Variants in ZFHX3 observed in about 807,000 individuals in gnomAD.
The protein encoded by ZFHX3 is zinc finger homeobox 3, also known as zinc finger homeobox protein 3.
ZFHX3 carries 42 observed loss-of-function variants against 279.1 expected under a neutral mutation model. The ratio of observed to expected loss-of-function variants is 0.15; its 90% CI spans 0.12 to 0.19. The LOEUF is 0.19. ZFHX3 is among the 10% of genes least tolerant of loss of function. The pLI, the probability that ZFHX3 is intolerant of heterozygous loss-of-function variation, is 1.00. For missense variants in ZFHX3, 4,981 were observed against 4,754.0 expected (o/e 1.05, Z -1.40); for synonymous variants, 2,293 against 1,957.8 (o/e 1.17, Z -4.52).
At chr16:72,951,066 A>G (rs963225835) in intron 2 of ZFHX3, 101 bp from the exon 3 acceptor site, 1 of 1,486,220 alleles carries the variant, frequency 6.7e-7, no homozygotes, top group East Asian at 2.3e-5. Flanking sequence ...CTGGGGTCCA[A>G]AAGGAGAAGA....
chr16:73,824,286 G>C (rs1401413289), intron 1 of ZFHX3, among the ~76,000 whole-genome samples: 2 of 151,774 alleles, frequency 1.3e-5, no homozygotes, highest in African/African-American at 4.8e-5. Context: ...AGCATAGCGT[G>C]AGAAACACTG....
chr16:73,752,623 A>G (rs573202081), intron 1 of ZFHX3, among the ~76,000 whole-genome samples: 16 of 152,212 alleles, frequency 1.1e-4, no homozygotes, highest in Middle Eastern at 3.4e-3. Flanking sequence ...CTCCTTGGCC[A>G]ACTCCTGAAC....
intron 2 of ZFHX3, among the ~76,000 whole-genome samples, chr16:73,478,181 G>T (rs1310903469): frequency 1.3e-5 from 2 of 150,682 alleles, no homozygotes; most frequent in African/African-American, 4.9e-5. Flanking sequence ...CAGGAGAATG[G>T]CTTGAATCCA....
intron 1 of ZFHX3, among the ~76,000 whole-genome samples, chr16:73,041,769 C>A (rs1261135646): frequency 6.6e-6 from 1 of 152,034 alleles, no homozygotes; most frequent in Non-Finnish European, 1.5e-5. Context: ...CAAAAAAAAG[C>A]GGAGCTGTTA....
chr16:73,139,265 A>G (rs1173984011), intron 6 of ZFHX3, among the ~76,000 whole-genome samples: 1 of 152,234 alleles, frequency 6.6e-6, no homozygotes, highest in Non-Finnish European at 1.5e-5. Flanking sequence ...ATTATTGAAA[A>G]TGTATAACCC....
chr16:73,126,529 G>C (rs1742487002), intron 7 of ZFHX3: 1 of 152,178 alleles, frequency 6.6e-6, no homozygotes, highest in African/African-American at 2.4e-5. Context: ...GTATCATTCA[G>C]CCACACTTAG....
intron 5 of ZFHX3, among the ~76,000 whole-genome samples, chr16:73,159,767 C>A (rs1460312894): frequency 6.6e-6 from 1 of 152,050 alleles, no homozygotes; most frequent in Non-Finnish European, 1.5e-5. Flanking sequence ...ATTATATTAT[C>A]ATTATTATTT....
intron 5 of ZFHX3, among the ~76,000 whole-genome samples, chr16:73,247,702 A>T (rs557763330): frequency 6.6e-6 from 1 of 151,016 alleles, no homozygotes; most frequent in East Asian, 2.0e-4. Context: ...GTGTGTGTGT[A>T]TACTATGTAT....
intron 3 of ZFHX3, among the ~76,000 whole-genome samples, chr16:72,894,886 G>A (rs886370479): frequency 6.6e-6 from 1 of 152,110 alleles, no homozygotes; most frequent in Non-Finnish European, 1.5e-5. Context: ...GAGGGCAACC[G>A]GGTTCTGTTT....
chr16:72,878,483 AG>A (rs1297905002), intron 4 of ZFHX3, among the ~76,000 whole-genome samples: 1 of 152,234 alleles, frequency 6.6e-6, no homozygotes, highest in African/African-American at 2.4e-5. Context: ...GAAGTCACAA[AG>A]GGCTTTGGAC....
At chr16:73,561,318 A>G (rs75553293) in intron 2 of ZFHX3, among the ~76,000 whole-genome samples, 2,083 of 152,302 alleles carry the variant, frequency 0.014, 56 homozygotes, top group African/African-American at 0.048. Flanking sequence ...AAATATCTGC[A>G]TTTATGAATT....
chr16:73,671,068 T>C (rs1271459134), intron 2 of ZFHX3, among the ~76,000 whole-genome samples: 1 of 152,160 alleles, frequency 6.6e-6, no homozygotes. Flanking sequence ...TGATGGGTGG[T>C]CCTCACAATG....
chr16:73,286,870 G>T (rs1567440336), intron 4 of ZFHX3, among the ~76,000 whole-genome samples: 5 of 148,622 alleles, frequency 3.4e-5, no homozygotes. Context: ...GGTTGTGTGG[G>T]TGTGTGGGTT....
In ZFHX3 at chr16:72,795,539, G is replaced by T. The variant is rs2143417488; in HGVS notation, c.7143C>A (p.Ser2381=). The T allele has an allele frequency of 2.5e-6, 4 of 1,614,158 alleles. No homozygotes were observed. The highest frequency in any genetic ancestry group is 1.7e-6 in the Non-Finnish European group (2 of 1,180,038). ...CCTGTGAGGGCATCGGGGTACTGCA[G>T]GATGAGCTGGTAGGCGTCAGGATTT... ...AMEILTPTSS[S]CSTPMPSQAY... is the part of the protein sequence containing the mutation. Residue 2381 remains serine, a synonymous_variant, in exon 9 of 10, where the codon TCC becomes TCA. Transcript: ENST00000268489.
chr16:73,822,734 G>A (rs1960783429), intron 1 of ZFHX3, among the ~76,000 whole-genome samples: 1 of 152,244 alleles, frequency 6.6e-6, no homozygotes. Context: ...GATGTGGCAT[G>A]AGGCATAATC....
chr16:73,573,286 C>T (rs1044143785), intron 2 of ZFHX3, among the ~76,000 whole-genome samples: 2 of 152,164 alleles, frequency 1.3e-5, no homozygotes, highest in African/African-American at 4.8e-5. Context: ...CCTCACCACC[C>T]TCCCCAATGT....
In ZFHX3 at chr16:73,004,485, C is replaced by T. The variant is rs759257331; in HGVS notation, c.-50+43267G>A. On this transcript the variant is annotated intron_variant, in intron 1 of 9. Coordinates refer to ENST00000268489, the MANE Select transcript of ZFHX3 (RefSeq NM_006885.4). ...CTGGGATTACAGATGCCCACCATCACGCCCAGCTAGTAGAGATGGGGTTTC... is the reference window on the plus strand; with the variant it reads ...CTGGGATTACAGATGCCCACCATCATGCCCAGCTAGTAGAGATGGGGTTTC... Among the ~76,000 whole-genome samples, 7 of 151,840 alleles carry T rather than the reference C, an allele frequency of 4.6e-5. No individual in the cohort carries two copies. The South Asian group carries it at 8.3e-4, about 18-fold the overall frequency.
At chr16:73,266,585 CATG>C (rs2013982224) in intron 4 of ZFHX3, among the ~76,000 whole-genome samples, 1 of 152,108 alleles carries the variant, frequency 6.6e-6, no homozygotes, top group Non-Finnish European at 1.5e-5. Flanking sequence ...GGGGCTTGGC[CATG>C]ATTAGTTGGT....
chr16:73,022,467 G>A (rs528430458), intron 1 of ZFHX3, among the ~76,000 whole-genome samples: 19 of 152,238 alleles, frequency 1.2e-4, no homozygotes, highest in African/African-American at 2.6e-4. Context: ...GTCATTCTTC[G>A]TTGGGGATGA....
Sources: allele counts gnomAD v4.1 joint callset (sites outside exome capture counted in the v4.1 genomes callset), GRCh38; gene constraint gnomAD v4.1.1; transcripts MANE v1.5; gene names NCBI Gene and HGNC (gene_info 2026-07-23, HGNC 2026-07-21).